ZPBP: variants seen among roughly 807,000 people sequenced by gnomAD.
ZPBP encodes zona pellucida binding protein, also known as zona pellucida-binding protein 1.
In ZPBP, 26 loss-of-function variants were observed where a neutral mutation model predicts 44.8. The ratio of observed to expected loss-of-function variants is 0.58; its 90% CI spans 0.43 to 0.81. The LOEUF is 0.81. Among genes scored for constraint, ZPBP ranks in the 30% least tolerant of loss-of-function variants. ZPBP has a pLI of 0.00. For synonymous variants in ZPBP, 174 were observed against 153.2 expected (o/e 1.14, Z -1.00); for missense variants, 409 against 434.0 (o/e 0.94, Z 0.51).
rs762791675 is a variant in ZPBP, at chr7:49,911,898, AAAAC to A, written n.412-10687_412-10684del. 225 of 674,882 alleles carry A rather than the reference AAAAC, an allele frequency of 3.3e-4. 1 individual carries two copies. The highest frequency in any genetic ancestry group is 2.5e-3 in the East Asian group (62 of 24,334). 41.8% of individuals were successfully genotyped at this position (674,882 alleles called of 1,614,324 possible). ...GGTGATAGAGCAAGACTCTGTCTCA[AAAAC>A]AAACAAACAAACAAATACACGCACA... On this transcript the variant is annotated intron_variant and non_coding_transcript_variant, in intron 1 of 2. Coordinates refer to the ZPBP transcript ENST00000465922.
At chr7:50,078,859 A>G (rs1402641603) in intron 3 of ZPBP, among the ~76,000 whole-genome samples, 1 of 151,480 alleles carries the variant, frequency 6.6e-6, no homozygotes, top group Non-Finnish European at 1.5e-5. Flanking sequence ...TTAACAAAAC[A>G]AACAAAAATC....
intron 2 of ZPBP, among the ~76,000 whole-genome samples, chr7:49,860,713 T>G (rs914439179): frequency 6.6e-6 from 1 of 152,268 alleles, no homozygotes; most frequent in Non-Finnish European, 1.5e-5. Context: ...TTTCAATGTT[T>G]CTATATTTGT....
At chr7:49,990,041 A>T (rs1162674097) in intron 6 of ZPBP, among the ~76,000 whole-genome samples, 3 of 152,140 alleles carry the variant, frequency 2.0e-5, no homozygotes, top group Non-Finnish European at 2.9e-5. Context: ...CCCCCAAAAC[A>T]CATTTTTGTC....
chr7:50,092,352 C>A (rs946405134), intron 1 of ZPBP, among the ~76,000 whole-genome samples: 1 of 152,140 alleles, frequency 6.6e-6, no homozygotes, highest in Non-Finnish European at 1.5e-5. Context: ...TATCCCCTAC[C>A]TACCTCCACA....
chr7:49,962,064 G>A (rs1452631907), intron 7 of ZPBP, among the ~76,000 whole-genome samples: 1 of 151,794 alleles, frequency 6.6e-6, no homozygotes, highest in African/African-American at 2.4e-5. Flanking sequence ...CTTCAATGAA[G>A]AATTAAATAT....
At chr7:50,044,795 T>G (rs553069888) in intron 4 of ZPBP, among the ~76,000 whole-genome samples, 2 of 152,208 alleles carry the variant, frequency 1.3e-5, no homozygotes, top group South Asian at 2.1e-4. Context: ...AAATAGGGAC[T>G]CCTCCCTAAC....
At chr7:50,024,903 T>C (rs1046356546) in intron 5 of ZPBP, among the ~76,000 whole-genome samples, 7 of 151,952 alleles carry the variant, frequency 4.6e-5, no homozygotes, top group African/African-American at 1.7e-4. Context: ...GTTAGTTTGC[T>C]TGACTTGCAA....
chr7:49,898,237 A>G (rs930737350), intron 2 of ZPBP, among the ~76,000 whole-genome samples: 1 of 152,104 alleles, frequency 6.6e-6, no homozygotes, highest in South Asian at 2.1e-4. Context: ...ACACAAACAC[A>G]CAGATATAAG....
chr7:49,975,675 C>T (rs1796480806), intron 7 of ZPBP, among the ~76,000 whole-genome samples: 1 of 152,178 alleles, frequency 6.6e-6, no homozygotes, highest in Non-Finnish European at 1.5e-5. Flanking sequence ...GTGAGGTGTG[C>T]TGGCAAAGCC....
chr7:49,948,235 T>A (rs987955003), intron 7 of ZPBP, among the ~76,000 whole-genome samples: 4 of 152,208 alleles, frequency 2.6e-5, no homozygotes, highest in African/African-American at 9.6e-5. Flanking sequence ...ATGAAGGTGC[T>A]TTTTTGTGTG....
At position 50,027,162 on chromosome 7, in the gene ZPBP, G is replaced by A. The variant is rs183310092; in HGVS notation, c.706+3930C>T. Among the ~76,000 whole-genome samples the A allele has an allele frequency of 1.7e-3, 265 of 152,006 alleles. 3 individuals are homozygous for A. The highest frequency in any genetic ancestry group is 6.0e-3 in the African/African-American group (249 of 41,502). Reference sequence around the variant, plus strand: ...TATGGACCCTTCCCTTTGGAAGAGAGAGTGCCTTCAGTCCACACCAGAGAC... The same window carrying A: ...TATGGACCCTTCCCTTTGGAAGAGAAAGTGCCTTCAGTCCACACCAGAGAC... On this transcript the variant is annotated intron_variant, in intron 5 of 7. Coordinates refer to ENST00000046087, the MANE Select transcript of ZPBP (RefSeq NM_007009.3).
At chr7:49,979,461 A>C (rs1796677102) in intron 7 of ZPBP, among the ~76,000 whole-genome samples, 1 of 152,060 alleles carries the variant, frequency 6.6e-6, no homozygotes, top group Non-Finnish European at 1.5e-5. Flanking sequence ...TATGACAAGA[A>C]TAAAAACAAT....
intron 6 of ZPBP, among the ~76,000 whole-genome samples, chr7:50,007,906 T>C (rs539681867): frequency 6.6e-6 from 1 of 152,100 alleles, no homozygotes; most frequent in Non-Finnish European, 1.5e-5. Context: ...AGTCCACCAC[T>C]AACATCATAC....
At chr7:49,908,357 A>T (rs1793218870) in intron 1 of ZPBP, among the ~76,000 whole-genome samples, 1 of 152,222 alleles carries the variant, frequency 6.6e-6, no homozygotes, top group South Asian at 2.1e-4. Context: ...TCAATTGGTG[A>T]GGGACTTAGA....
intron 2 of ZPBP, among the ~76,000 whole-genome samples, chr7:50,086,621 C>A (rs77678806): frequency 0.031 from 4,715 of 151,730 alleles, 89 homozygotes; most frequent in Middle Eastern, 0.061. Context: ...GAAGAATCTG[C>A]AAACTTGAAG....
intron 6 of ZPBP, among the ~76,000 whole-genome samples, chr7:49,998,660 A>G (rs907452589): frequency 1.3e-5 from 2 of 152,118 alleles, no homozygotes; most frequent in African/African-American, 2.4e-5. Flanking sequence ...GTATCTTTAA[A>G]TCTGGTAAGA....
At chr7:50,047,736 A>C (rs1562869560) in intron 4 of ZPBP, among the ~76,000 whole-genome samples, 10 of 151,610 alleles carry the variant, frequency 6.6e-5, no homozygotes. Context: ...AGGGTGCCTC[A>C]TGAGAAAATG....
At chr7:49,986,857 G>T (rs942567745) in intron 6 of ZPBP, among the ~76,000 whole-genome samples, 2 of 152,150 alleles carry the variant, frequency 1.3e-5, no homozygotes, top group Non-Finnish European at 2.9e-5. Flanking sequence ...GGTATCTTAG[G>T]ATGGGATATG....
At chr7:50,076,119 GA>G (rs1195031907) in intron 3 of ZPBP, among the ~76,000 whole-genome samples, 13 of 151,704 alleles carry the variant, frequency 8.6e-5, no homozygotes. Flanking sequence ...CAATCAGCGT[GA>G]TATATCATGT....
Sources: allele counts gnomAD v4.1 joint callset (sites outside exome capture counted in the v4.1 genomes callset), GRCh38; gene constraint gnomAD v4.1.1; transcripts MANE v1.5; gene names NCBI Gene and HGNC (gene_info 2026-07-23, HGNC 2026-07-21).